The following PTPRT variants were observed in gnomAD, a reference collection of about 807,000 sequenced individuals.
PTPRT encodes the protein protein tyrosine phosphatase receptor type T.
In PTPRT, 56 loss-of-function variants were observed where a neutral mutation model predicts 176.8. The ratio of observed to expected loss-of-function variants is 0.32; its 90% confidence interval spans 0.26 to 0.40. The LOEUF is 0.40. Ranked by LOEUF, PTPRT falls within the 10% of genes least tolerant of loss-of-function variation. PTPRT has a pLI of 1.00. For synonymous variants in PTPRT, 783 were observed against 739.0 expected, an observed-to-expected ratio of 1.06 and a Z score of -0.96; for missense variants, 1,540 against 1,908.2, an observed-to-expected ratio of 0.81 and a Z score of 3.60.
intron 15 of PTPRT, among the ~76,000 whole-genome samples, chr20:42,216,046 G>A (rs894477157): frequency 6.6e-6 from 1 of 152,174 alleles, no homozygotes; most frequent in African/African-American, 2.4e-5. Flanking sequence ...CCGCTTCCAA[G>A]CAGCGTCTCC....
intron 12 of PTPRT, among the ~76,000 whole-genome samples, chr20:42,296,657 T>A (rs2057392442): frequency 1.3e-5 from 2 of 152,202 alleles, no homozygotes; most frequent in South Asian, 4.1e-4. Flanking sequence ...TGTTAATGAT[T>A]TAACTCAAGT....
chr20:42,032,778 C>T, the PTPRT span, among the ~76,000 whole-genome samples: 1 of 152,140 alleles, frequency 6.6e-6, no homozygotes, highest in African/African-American at 2.4e-5. Context: ...CTCTCTCTCC[C>T]TCTCATCTCA....
At chr20:42,838,456 A>T (rs1160700495) in intron 2 of PTPRT, among the ~76,000 whole-genome samples, 3 of 152,142 alleles carry the variant, frequency 2.0e-5, no homozygotes, top group Non-Finnish European at 2.9e-5. Context: ...TGGAACGGGG[A>T]TCTGGGAAGC....
intron 7 of PTPRT, among the ~76,000 whole-genome samples, chr20:42,662,966 A>ATGTG (rs10548733): frequency 2.0e-4 from 30 of 148,128 alleles, no homozygotes; most frequent in Admixed American, 4.0e-4. Flanking sequence ...ACCTGAATAT[A>ATGTG]TGTGTGTGTG....
intron 9 of PTPRT, among the ~76,000 whole-genome samples, chr20:42,386,585 A>G (rs1374794062): frequency 6.6e-6 from 1 of 152,200 alleles, no homozygotes; most frequent in African/African-American, 2.4e-5. Context: ...TCATACCTTC[A>G]TAACGATCCT....
chr20:42,400,912 A>G (rs1023956201), intron 9 of PTPRT, among the ~76,000 whole-genome samples: 1 of 151,934 alleles, frequency 6.6e-6, no homozygotes, highest in Non-Finnish European at 1.5e-5. Context: ...TCGGGTTTTT[A>G]ACAGATGAAG....
At chr20:42,432,517 C>T (rs1054628158) in intron 9 of PTPRT, among the ~76,000 whole-genome samples, 1 of 152,208 alleles carries the variant, frequency 6.6e-6, no homozygotes, top group Non-Finnish European at 1.5e-5. Flanking sequence ...GGAAATCACA[C>T]GTTACTACAT....
intron 13 of PTPRT, among the ~76,000 whole-genome samples, chr20:42,275,149 A>G (rs552423231): frequency 3.3e-5 from 5 of 152,252 alleles, no homozygotes; most frequent in Non-Finnish European, 4.4e-5. Context: ...ACCTTGTGTC[A>G]GCACACAAAG....
chr20:42,926,853 G>A (rs990884924), intron 1 of PTPRT, among the ~76,000 whole-genome samples: 21 of 152,248 alleles, frequency 1.4e-4, no homozygotes, highest in Admixed American at 5.2e-4. Flanking sequence ...AAGAAAGGAC[G>A]GCAGCTGCCA....
At chr20:42,841,541 G>A (rs1017863628) in intron 2 of PTPRT, among the ~76,000 whole-genome samples, 8 of 151,876 alleles carry the variant, frequency 5.3e-5, no homozygotes, top group Non-Finnish European at 8.8e-5. Flanking sequence ...TACCATGGGA[G>A]ACAAAGGCTA....
At chr20:42,248,861 C>A in intron 13 of PTPRT, 39 bp from the exon 14 acceptor site, 1 of 1,606,104 alleles carries the variant, frequency 6.2e-7, no homozygotes, top group Non-Finnish European at 8.5e-7. Context: ...GTTGAAAGCA[C>A]CCAAACATGC....
chr20:43,175,203 G>A (rs1359810621), intron 1 of PTPRT, among the ~76,000 whole-genome samples: 1 of 152,230 alleles, frequency 6.6e-6, no homozygotes, highest in African/African-American at 2.4e-5. Context: ...GGTGTGACAA[G>A]GGAATAGAAC....
chr20:42,097,073 G>T (rs1247119972), intron 27 of PTPRT, among the ~76,000 whole-genome samples: 1 of 152,166 alleles, frequency 6.6e-6, no homozygotes, highest in East Asian at 1.9e-4. Flanking sequence ...CCTGCCTACT[G>T]CTTCATCATG....
At chr20:42,186,266 C>CCATAGGAAA (rs1454490720) in intron 16 of PTPRT, among the ~76,000 whole-genome samples, 1 of 151,768 alleles carries the variant, frequency 6.6e-6, no homozygotes, top group Non-Finnish European at 1.5e-5. Flanking sequence ...ACAAAAGCAA[C>CCATAGGAAA]CATAGGAAAT....
At chr20:42,174,825 T>C (rs1990223382) in intron 16 of PTPRT, among the ~76,000 whole-genome samples, 1 of 152,326 alleles carries the variant, frequency 6.6e-6, no homozygotes, top group South Asian at 2.1e-4. Context: ...TCAATCTCTC[T>C]GAACCAGTTT....
At chr20:42,686,201 G>T (rs1171584392) in intron 6 of PTPRT, 2 of 152,148 alleles carry the variant, frequency 1.3e-5, no homozygotes, top group African/African-American at 2.4e-5. Context: ...GGACACCAAG[G>T]TTACCTAGAA....
chr20:42,843,987 G>A (rs956285183), intron 2 of PTPRT, among the ~76,000 whole-genome samples: 30 of 152,178 alleles, frequency 2.0e-4, no homozygotes, highest in African/African-American at 2.7e-4. Flanking sequence ...AAAATTCATC[G>A]TAACAATAGA....
At chr20:42,735,687 C>T (rs1014280506) in intron 6 of PTPRT, among the ~76,000 whole-genome samples, 7 of 152,010 alleles carry the variant, frequency 4.6e-5, no homozygotes, top group South Asian at 2.1e-4. Flanking sequence ...TCCCAAGAAT[C>T]GCAAGGAAGG....
At chr20:43,050,255 G>A (rs956704517) in intron 1 of PTPRT, among the ~76,000 whole-genome samples, 3 of 152,240 alleles carry the variant, frequency 2.0e-5, no homozygotes, top group Non-Finnish European at 4.4e-5. Context: ...CCTGGAAGGA[G>A]GGCTGTGGCA....
Sources: gnomAD v4.1 joint callset for allele counts (sites outside exome capture counted in the v4.1 genomes callset) on GRCh38, gnomAD v4.1.1 for gene constraint, MANE v1.5 for transcripts, NCBI Gene and HGNC (gene_info 2026-07-23, HGNC 2026-07-21) for gene names.